Variants in FLT1 observed in about 807,000 individuals in gnomAD.
The protein encoded by FLT1 is vascular endothelial growth factor receptor 1.
Under a neutral mutation model 156.3 loss-of-function variants are expected in FLT1, and 49 were observed. The ratio of observed to expected loss-of-function variants is 0.31; its 90% CI spans 0.25 to 0.40. The LOEUF (loss-of-function observed/expected upper bound fraction) is 0.40. Among genes scored for constraint, FLT1 ranks in the 10% least tolerant of loss-of-function variants. The pLI is 1.00. For synonymous variants in FLT1, 594 were observed against 583.8 expected (o/e 1.02, Z -0.25); for missense variants, 1,322 against 1,637.2 (o/e 0.81, Z 3.32).
chr13:28,357,270 T>C (rs61763259), intron 15 of FLT1, among the ~76,000 whole-genome samples: 2,087 of 152,102 alleles, frequency 0.014, 44 homozygotes, highest in African/African-American at 0.047. Flanking sequence ...CAGGGCGTAA[T>C]AACACAGTCA....
intron 24 of FLT1, among the ~76,000 whole-genome samples, chr13:28,318,346 C>T (rs1485602205): frequency 6.6e-6 from 1 of 152,066 alleles, no homozygotes; most frequent in Non-Finnish European, 1.5e-5. Flanking sequence ...AGTCTGCAGA[C>T]CTAAGGGCGC....
At chr13:28,383,519 C>G (rs1012704792) in intron 14 of FLT1, among the ~76,000 whole-genome samples, 3 of 152,056 alleles carry the variant, frequency 2.0e-5, no homozygotes, top group Non-Finnish European at 4.4e-5. Flanking sequence ...AAAAATTAGC[C>G]AGGCGTGGTG....
intron 24 of FLT1, among the ~76,000 whole-genome samples, chr13:28,318,861 T>C (rs1010244194): frequency 3.9e-5 from 6 of 152,130 alleles, no homozygotes; most frequent in Non-Finnish European, 8.8e-5. Context: ...CCACCCATAG[T>C]GGATGTTATT....
At chr13:28,348,964 T>A (rs1565981034) in intron 15 of FLT1, among the ~76,000 whole-genome samples, 1 of 152,142 alleles carries the variant, frequency 6.6e-6, no homozygotes, top group Non-Finnish European at 1.5e-5. Context: ...TCCTGTGTAT[T>A]ACTTCATAAA....
At chr13:28,486,388 C>G (rs1881166605) in intron 1 of FLT1, among the ~76,000 whole-genome samples, 1 of 152,204 alleles carries the variant, frequency 6.6e-6, no homozygotes, top group East Asian at 1.9e-4. Context: ...ATTCAGCCAC[C>G]CAAGTGGGAG....
intron 13 of FLT1, chr13:28,386,564 CT>C: frequency 9.5e-7 from 1 of 1,054,946 alleles, no homozygotes; most frequent in East Asian, 5.3e-5. Context: ...TTGAGCATGT[CT>C]TTCCTATCTT....
intron 2 of FLT1, 121 bp from the exon 3 acceptor site, chr13:28,467,250 C>A: frequency 1.2e-6 from 1 of 806,598 alleles, no homozygotes; most frequent in South Asian, 1.4e-5. Flanking sequence ...TCATCTTCCT[C>A]TTTACGGGAA....
Position 28,322,465 on chromosome 13 carries a change from G to T in FLT1, c.2954-106C>A. 1.2e-6 allele frequency: 1 copy of T among 804,996 alleles called. No homozygotes were observed. The highest frequency in any genetic ancestry group is 2.1e-6 in the Non-Finnish European group (1 of 468,228). The allele number at this position is 804,996 out of a possible 1,614,324, so 49.9% of individuals were successfully genotyped here. The stretch of plus-strand genomic sequence containing the variant: ...AAAACATAAAACAAACCAACAAGTA[G>T]ATCAGAGTTCATTTTTAAGAGTATT... On this transcript the variant is annotated intron_variant, in intron 21 of 29. Coordinates refer to ENST00000282397, the MANE Select transcript of FLT1 (RefSeq NM_002019.4). This position sits in a 1 kb window ranked among gnomAD's most constrained non-coding sequence, Gnocchi z 4.3.
intron 14 of FLT1, among the ~76,000 whole-genome samples, chr13:28,365,210 T>A (rs1044978323): frequency 2.0e-5 from 3 of 152,214 alleles, no homozygotes; most frequent in Admixed American, 2.0e-4. Context: ...TCTTTAAATA[T>A]CATGCTTTTC....
intron 6 of FLT1, among the ~76,000 whole-genome samples, chr13:28,433,209 A>C (rs899385790): frequency 2.6e-5 from 4 of 152,228 alleles, no homozygotes; most frequent in Non-Finnish European, 4.4e-5. Context: ...TAGTTTCCCC[A>C]TCTATACATT....
intron 13 of FLT1, 115 bp downstream of exon 13, chr13:28,389,681 G>A (rs758930917): frequency 6.4e-7 from 1 of 1,567,240 alleles, no homozygotes; most frequent in Admixed American, 1.9e-5. Context: ...TGAGACAACT[G>A]TTACTTTTTA....
chr13:28,479,897 C>T (rs145329235), intron 1 of FLT1, among the ~76,000 whole-genome samples: 20 of 152,282 alleles, frequency 1.3e-4, no homozygotes, highest in African/African-American at 4.1e-4. Flanking sequence ...ATCAGTTGGC[C>T]ACCAACCCAA....
intron 22 of FLT1, 21 bp from the exon 23 acceptor site, chr13:28,321,606 A>C: frequency 6.2e-7 from 1 of 1,612,988 alleles, no homozygotes; most frequent in Non-Finnish European, 8.5e-7. Flanking sequence ...ACAGTTGCAT[A>C]ATCAATGCAT....
intron 17 of FLT1, among the ~76,000 whole-genome samples, chr13:28,334,932 G>A (rs1872060435): frequency 6.6e-6 from 1 of 152,194 alleles, no homozygotes; most frequent in African/African-American, 2.4e-5. Context: ...ACCTAACTTG[G>A]TGCCTGGTGC....
chr13:28,473,020 T>C (rs1489240458), intron 1 of FLT1, among the ~76,000 whole-genome samples: 13 of 152,174 alleles, frequency 8.5e-5, no homozygotes, highest in South Asian at 2.1e-4. Flanking sequence ...TCATTATTCA[T>C]CAGGAACATG....
chr13:28,323,416 C>A (rs1218286347), intron 20 of FLT1, among the ~76,000 whole-genome samples: 1 of 152,116 alleles, frequency 6.6e-6, no homozygotes, highest in East Asian at 1.9e-4. Flanking sequence ...CTTTGGGAGG[C>A]CGAGCCAGGT....
chr13:28,458,177 C>A (rs1879375256), intron 3 of FLT1, among the ~76,000 whole-genome samples: 1 of 152,178 alleles, frequency 6.6e-6, no homozygotes, highest in Non-Finnish European at 1.5e-5. Flanking sequence ...CTGCCCACTT[C>A]AGCCTCCCAA....
chr13:28,470,434 C>T (rs538499860), intron 1 of FLT1, among the ~76,000 whole-genome samples: 2 of 152,068 alleles, frequency 1.3e-5, no homozygotes, highest in South Asian at 2.1e-4. Context: ...AAAGATCCAT[C>T]GAAGCTTCCT....
chr13:28,464,091 T>A (rs1879727039), intron 3 of FLT1, among the ~76,000 whole-genome samples: 1 of 152,204 alleles, frequency 6.6e-6, no homozygotes, highest in Admixed American at 6.5e-5. Context: ...TTAGTATCAG[T>A]GCTATTTAAA....
Sources: allele counts gnomAD v4.1 joint callset (sites outside exome capture counted in the v4.1 genomes callset), GRCh38; gene constraint gnomAD v4.1.1; non-coding constraint Gnocchi (gnomAD v3.1); transcripts MANE v1.5; gene names NCBI Gene and HGNC (gene_info 2026-07-23, HGNC 2026-07-21).